The following PPP1R9A variants were observed in gnomAD, a reference collection of about 807,000 sequenced individuals.
PPP1R9A encodes the protein protein phosphatase 1 regulatory subunit 9A.
Under a neutral mutation model 141.9 loss-of-function variants are expected in PPP1R9A, and 59 were observed. The ratio of observed to expected loss-of-function variants is 0.42; its 90% confidence interval spans 0.34 to 0.52. The LOEUF is 0.52. Among genes scored for constraint, PPP1R9A ranks in the 20% least tolerant of loss-of-function variants. The probability of loss-of-function intolerance (pLI) is 0.10; values close to 1 mark genes in which losing one functional copy is unlikely to be tolerated. For synonymous variants in PPP1R9A, 500 were observed against 569.7 expected, an observed-to-expected ratio of 0.88 and a Z score of 1.74; for missense variants, 1,444 against 1,611.9, an observed-to-expected ratio of 0.90 and a Z score of 1.78.
chr7:95,280,091 G>T (rs1374754230), intron 16 of PPP1R9A, among the ~76,000 whole-genome samples: 1 of 152,124 alleles, frequency 6.6e-6, no homozygotes, highest in East Asian at 1.9e-4. Flanking sequence ...CTGAGCTTTA[G>T]ATGGACATGT....
At chr7:95,160,925 A>G (rs1830386892) in intron 4 of PPP1R9A, among the ~76,000 whole-genome samples, 2 of 152,094 alleles carry the variant, frequency 1.3e-5, no homozygotes, top group African/African-American at 4.8e-5. Context: ...CTCATCCACC[A>G]TTTGTGGACA....
intron 7 of PPP1R9A, among the ~76,000 whole-genome samples, chr7:95,225,423 T>A (rs1182325490): frequency 6.6e-6 from 1 of 152,160 alleles, no homozygotes; most frequent in Non-Finnish European, 1.5e-5. Flanking sequence ...TAGAAACCTT[T>A]GGTTTATTCT....
At chr7:95,152,879 C>T (rs1828958083) in intron 4 of PPP1R9A, among the ~76,000 whole-genome samples, 2 of 145,748 alleles carry the variant, frequency 1.4e-5, no homozygotes, top group African/African-American at 5.1e-5. Flanking sequence ...GAGACAGTCT[C>T]ACTCTGTCCT....
intron 8 of PPP1R9A, among the ~76,000 whole-genome samples, chr7:95,237,838 A>AT (rs901474155): frequency 6.6e-6 from 1 of 151,706 alleles, no homozygotes; most frequent in Non-Finnish European, 1.5e-5. Context: ...CACAGCATCT[A>AT]TTTTTTCCAT....
chr7:94,929,349 G>A (rs1259213125), intron 2 of PPP1R9A, among the ~76,000 whole-genome samples: 1 of 152,094 alleles, frequency 6.6e-6, no homozygotes, highest in Non-Finnish European at 1.5e-5. Context: ...TGCGGAGAGG[G>A]GACACTTGGG....
intron 2 of PPP1R9A, among the ~76,000 whole-genome samples, chr7:95,030,418 G>A (rs1276787840): frequency 4.6e-5 from 7 of 152,020 alleles, no homozygotes; most frequent in East Asian, 1.9e-4. Context: ...TTACTATTCC[G>A]TTAAGTTCCT....
intron 2 of PPP1R9A, among the ~76,000 whole-genome samples, chr7:95,007,632 G>A (rs1041619930): frequency 6.6e-6 from 1 of 152,128 alleles, no homozygotes; most frequent in African/African-American, 2.4e-5. Context: ...GTTATAGCCT[G>A]TATGTATCAA....
At chr7:94,973,407 G>A (rs1446429990) in intron 2 of PPP1R9A, among the ~76,000 whole-genome samples, 1 of 152,132 alleles carries the variant, frequency 6.6e-6, no homozygotes, top group Non-Finnish European at 1.5e-5. Flanking sequence ...GAACCAAAAA[G>A]CGAGTTTGGG....
chr7:95,286,409 G>A, intron 18 of PPP1R9A, 84 bp downstream of exon 18: 5 of 1,558,916 alleles, frequency 3.2e-6, no homozygotes, highest in Non-Finnish European at 4.3e-6. Context: ...TGTTTTTAGG[G>A]TAGATATTGC....
chr7:95,132,722 A>T (rs1176574931), intron 4 of PPP1R9A, among the ~76,000 whole-genome samples: 1 of 150,336 alleles, frequency 6.7e-6, no homozygotes, highest in Non-Finnish European at 1.5e-5. Context: ...CTTGGCTTGC[A>T]CCCCAGTCTG....
intron 2 of PPP1R9A, among the ~76,000 whole-genome samples, chr7:95,009,789 A>G (rs940635888): frequency 2.0e-5 from 3 of 152,186 alleles, no homozygotes; most frequent in Non-Finnish European, 2.9e-5. Context: ...AAGAGGCAGG[A>G]ATAGTGCACA....
intron 4 of PPP1R9A, 126 bp downstream of exon 4, chr7:95,120,958 T>C: frequency 8.0e-7 from 1 of 1,247,360 alleles, no homozygotes; most frequent in Non-Finnish European, 1.1e-6. Flanking sequence ...TTCTCAGATG[T>C]GAAAATCTTT....
chr7:95,232,049 A>G (rs939604789), intron 8 of PPP1R9A, among the ~76,000 whole-genome samples: 4 of 152,158 alleles, frequency 2.6e-5, no homozygotes, highest in Non-Finnish European at 5.9e-5. Context: ...TACAAATGAA[A>G]CGGGAGATAC....
At chr7:94,917,132 AATTGGATTTCCTTTTAAATTT>A (rs1792179620) in intron 2 of PPP1R9A, among the ~76,000 whole-genome samples, 1 of 152,102 alleles carries the variant, frequency 6.6e-6, no homozygotes, top group Non-Finnish European at 1.5e-5. Flanking sequence ...ATAACATTTA[AATTGGATTTCCTTTTAAATTT>A]TTATGTTTTA....
At chr7:95,000,190 T>C (rs530625873) in intron 2 of PPP1R9A, among the ~76,000 whole-genome samples, 1 of 152,308 alleles carries the variant, frequency 6.6e-6, no homozygotes, top group East Asian at 1.9e-4. Flanking sequence ...ATACCCATCA[T>C]TGTGTCCTAA....
intron 2 of PPP1R9A, among the ~76,000 whole-genome samples, chr7:94,948,805 T>C (rs893159334): frequency 1.3e-5 from 2 of 152,130 alleles, no homozygotes; most frequent in African/African-American, 2.4e-5. Context: ...TCAGAACTTT[T>C]CCAGGTTTAA....
chr7:95,064,206 A>G (rs948081607), intron 2 of PPP1R9A, among the ~76,000 whole-genome samples: 7 of 152,178 alleles, frequency 4.6e-5, no homozygotes, highest in Non-Finnish European at 7.3e-5. Context: ...TCACATTTTC[A>G]TCAGTAAATC....
At chr7:95,281,285 T>C (rs1479803542) in intron 16 of PPP1R9A, among the ~76,000 whole-genome samples, 1 of 152,146 alleles carries the variant, frequency 6.6e-6, no homozygotes, top group Non-Finnish European at 1.5e-5. Context: ...CTTCAAAATA[T>C]CCCTGAATCT....
rs981919217 is a variant in PPP1R9A at position 95,018,803 on chromosome 7, C to T, written c.1396-92456C>T. On this transcript the variant is annotated intron_variant, in intron 2 of 19. Coordinates refer to ENST00000433360, the MANE Select transcript of PPP1R9A (RefSeq NM_001166160.2). ...CAAACATGAAGCTCTTACTGCCTGA[C>T]GTGCTGAGAGTAATAAGGTGCTTTG... is the stretch of plus-strand genomic sequence containing the variant. Among the ~76,000 whole-genome samples the T allele has an allele frequency of 6.6e-5, 10 of 152,210 alleles. No individual in the cohort carries two copies. The South Asian group carries it at 8.3e-4, about 13-fold the overall frequency.
Sources: gnomAD v4.1 joint callset for allele counts (sites outside exome capture counted in the v4.1 genomes callset) on GRCh38, gnomAD v4.1.1 for gene constraint, MANE v1.5 for transcripts, NCBI Gene and HGNC (gene_info 2026-07-23, HGNC 2026-07-21) for gene names.